The following ENO3 variants were observed in gnomAD, a reference collection of about 807,000 sequenced individuals.
The protein encoded by ENO3 is beta-enolase.
In ENO3, 46 loss-of-function variants were observed where a neutral mutation model predicts 47.7. That is an observed-to-expected ratio of 0.96 (90% CI 0.76 to 1.23). The LOEUF (loss-of-function observed/expected upper bound fraction) is 1.23, where lower values mean the gene tolerates loss of function less well. Ranked by LOEUF, ENO3 falls within the 50% of genes most tolerant of loss-of-function variation. ENO3 has a pLI of 0.00. For synonymous variants in ENO3, 223 were observed against 225.9 expected, an observed-to-expected ratio of 0.99 and a Z score of 0.11; for missense variants, 575 against 566.2, an observed-to-expected ratio of 1.02 and a Z score of -0.16.
At chr17:4,953,432 C>A in intron 5 of ENO3, 91 bp downstream of exon 5, 1 of 1,567,532 alleles carries the variant, frequency 6.4e-7, no homozygotes, top group South Asian at 1.1e-5. Context: ...ATTTCTGGGT[C>A]CCCCATTTTG....
chr17:4,949,809 G>C (rs1971487744), upstream of ENO3, among the ~76,000 whole-genome samples: 1 of 152,142 alleles, frequency 6.6e-6, no homozygotes, highest in Non-Finnish European at 1.5e-5. Context: ...GAATCCCACA[G>C]TCCCCGACGC....
Position 4,953,269 on chromosome 17 carries a change from C to T in ENO3, c.241-3C>T, listed in dbSNP as rs111900624. 6.2e-7 allele frequency: 1 copy of T among 1,614,218 alleles called. No individual in the cohort carries two copies. Among genetic ancestry groups the T allele is most frequent in the Middle Eastern group, 1.6e-4 (1 of 6,062 alleles). ...CTCTCCCTTCTCAAACTCACCCTTC[C>T]AGAAACTAAGCGTTGTGGATCAAGA... On this transcript the variant is annotated splice_polypyrimidine_tract_variant and splice_region_variant and intron_variant, in intron 4 of 11. Transcript: ENST00000519602.
rs1189805021 is a variant in ENO3, at chr17:4,955,273, C to G, written c.643C>G (p.Pro215Ala). 9 of 1,614,258 alleles carry G rather than the reference C, an allele frequency of 5.6e-6. No homozygotes were observed. Among genetic ancestry groups the G allele is most frequent in the Non-Finnish European group, 7.6e-6 (9 of 1,180,052 alleles). The stretch of plus-strand genomic sequence containing the variant: ...TGTGGGTGATGAAGGTGGCTTCGCA[C>G]CCAACATCCTGGAGAACAATGAGGG... ...TNVGDEGGFA[P>A]NILENNEALE... Residue 215 changes from proline (P) to alanine (A), a missense_variant, in exon 7 of 12, where the codon CCC (proline) becomes GCC (alanine). Physicochemically the swap from Pro to Ala is conservative, Grantham distance 27. Coordinates refer to ENST00000519602, the MANE Select transcript of ENO3 (RefSeq NM_053013.4).
chr17:4,955,760 A>C, intron 8 of ENO3, 156 bp downstream of exon 8: 1 of 1,317,552 alleles, frequency 7.6e-7, no homozygotes, highest in Non-Finnish European at 1.1e-6. Flanking sequence ...TCACCCCTCC[A>C]TGAGGCTCCT....
rs2151140726 is a variant in ENO3, at chr17:4,953,181, C to G, written c.240+72C>G. On this transcript the variant is annotated intron_variant, in intron 4 of 11. Coordinates refer to ENST00000519602, the MANE Select transcript of ENO3 (RefSeq NM_053013.4). Reference sequence around the variant, plus strand: ...CTCCCTCAGCCCAGACAGGCCTCTCCCGAAACATTTTCCCTTATCCTTCCC... The same window carrying G: ...CTCCCTCAGCCCAGACAGGCCTCTCGCGAAACATTTTCCCTTATCCTTCCC... 15 of 1,613,030 alleles carry G rather than the reference C, an allele frequency of 9.3e-6. No individual in the cohort carries two copies. In the South Asian group the frequency reaches 1.4e-4, roughly 15 times the overall value.
rs538036202 is a variant in ENO3 at position 4,955,091 on chromosome 17, A to G, written c.461A>G (p.Asn154Ser). ...CCATCTCAGGCCTTCAATGTGATCA[A>G]CGGGGGCTCCCATGCTGGAAACAAG... Reference protein sequence around the residue: ...ILPVPAFNVINGGSHAGNKLA... With the variant: ...ILPVPAFNVISGGSHAGNKLA... Residue 154 changes from asparagine (N) to serine (S), a missense_variant, in exon 7 of 12, where the codon AAC (asparagine) becomes AGC (serine). By Grantham distance (46) the Asn-to-Ser change is conservative. Coordinates refer to ENST00000519602, the MANE Select transcript of ENO3 (RefSeq NM_053013.4). The G allele has an allele frequency of 1.3e-5, 21 of 1,613,890 alleles. No individual in the cohort carries two copies. Among genetic ancestry groups the G allele is most frequent in the East Asian group, 4.5e-5 (2 of 44,872 alleles).
At chr17:4,956,341 C>G in intron 9 of ENO3, 198 bp downstream of exon 9, 1 of 749,078 alleles carries the variant, frequency 1.3e-6, no homozygotes, top group Non-Finnish European at 2.2e-6. Context: ...TCTGTCATGA[C>G]CCCCCACCCC....
upstream of ENO3, chr17:4,950,278 A>G (rs189947255): frequency 5.2e-3 from 791 of 152,298 alleles, 5 homozygotes; most frequent in East Asian, 0.028. Flanking sequence ...GCAGAGACCT[A>G]CCTCCCCGCA....
At chr17:4,952,762 A>G (rs1446131646) in intron 2 of ENO3, 33 bp from the exon 3 acceptor site, 1 of 1,588,106 alleles carries the variant, frequency 6.3e-7, no homozygotes, top group East Asian at 2.3e-5. Context: ...GCGCCCAGCC[A>G]TCCCTGTGAT....
In ENO3 at chr17:4,956,135, G is replaced by A. The variant is rs768457126; in HGVS notation, c.1059G>A (p.Ser353=). The stretch of plus-strand genomic sequence containing the variant: ...ACCAGATCGGCTCGGTGACCGAATC[G>A]ATCCAGGCGTGAGTGCCTCCTGACC... The part of the protein sequence containing the change: ...KVNQIGSVTE[S]IQACKLAQSN... The change falls in exon 9 of 12, where the codon TCG becomes TCA. Residue 353 remains serine, a synonymous_variant. Transcript: ENST00000519602. The A allele has an allele frequency of 3.7e-6, 6 of 1,613,594 alleles. No individual in the cohort carries two copies. The highest frequency in any genetic ancestry group is 3.4e-6 in the Non-Finnish European group (4 of 1,179,948).
intron 9 of ENO3, 66 bp downstream of exon 9, chr17:4,956,209 TAC>T (rs1480918311): frequency 2.3e-5 from 36 of 1,569,032 alleles, no homozygotes; most frequent in Middle Eastern, 3.3e-4. Flanking sequence ...CCACTCCAGC[TAC>T]AGTCTTACCC....
chr17:4,950,469 C>T (rs745714711), upstream of ENO3: 6 of 771,474 alleles, frequency 7.8e-6, no homozygotes, highest in Non-Finnish European at 9.5e-6. Flanking sequence ...GTCCCCACGC[C>T]GGGCGACAAG....
rs238239 is a variant in ENO3, at chr17:4,953,285, T to C, written c.254T>C (p.Val85Ala). ...PALLQKKLSV[V>A]DQEKVDKFMI... ...TCACCCTTCCAGAAACTAAGCGTTGTGGATCAAGAAAAAGTTGACAAATTT... is the reference window on the plus strand; with the variant it reads ...TCACCCTTCCAGAAACTAAGCGTTGCGGATCAAGAAAAAGTTGACAAATTT... The change falls in exon 5 of 12, where the codon GTG becomes GCG. Residue 85 changes from valine to alanine, a missense_variant. Coordinates refer to ENST00000519602, the MANE Select transcript of ENO3 (RefSeq NM_053013.4). The C allele has an allele frequency of 0.52, 842,741 of 1,613,872 alleles. 231,358 individuals carry two copies. Among genetic ancestry groups the C allele is most frequent in the Non-Finnish European group, 0.58 (681,005 of 1,179,862 alleles).
At chr17:4,950,707 G>C, upstream of ENO3, 1 of 978,932 alleles carries the variant, frequency 1.0e-6, no homozygotes, top group Non-Finnish European at 1.2e-6. Context: ...CCAGCGATCT[G>C]AGCATGTGTG....
At position 4,951,851 on chromosome 17, in the gene ENO3, G is replaced by A. The variant is rs377482714; in HGVS notation, c.22G>A (p.Ala8Thr). 1 of 1,614,038 alleles carries A rather than the reference G, an allele frequency of 6.2e-7. No homozygotes were observed. The highest frequency in any genetic ancestry group is 1.3e-5 in the African/African-American group (1 of 74,996). The change falls in exon 2 of 12, where the codon GCC becomes ACC. Residue 8 changes from alanine to threonine, a missense_variant. By Grantham distance (58) the Ala-to-Thr change is moderately conservative. Coordinates refer to ENST00000519602, the MANE Select transcript of ENO3 (RefSeq NM_053013.4). MAMQKIF[A>T]REILDSRGNP... ...AGCCATGGCCATGCAGAAAATCTTT[G>A]CCCGGGAAATCTTGGACTCCAGGGG...
At position 4,951,927 on chromosome 17, in the gene ENO3, C is replaced by G; in HGVS notation, c.85+13C>G. On this transcript the variant is annotated intron_variant, in intron 2 of 11. Coordinates refer to ENST00000519602, the MANE Select transcript of ENO3 (RefSeq NM_053013.4). ...CACACGGCCAAGGGTAACACAAGGC[C>G]CATTGGATAGGCTCGCCTCCGAAGA... 1.2e-6 allele frequency: 2 copies of G among 1,614,046 alleles called. No homozygotes were observed. Among genetic ancestry groups the G allele is most frequent in the African/African-American group, 1.3e-5 (1 of 75,044 alleles).
chr17:4,955,360 A>AT, intron 7 of ENO3, 47 bp from the exon 8 acceptor site: 2 of 1,614,172 alleles, frequency 1.2e-6, no homozygotes, highest in Non-Finnish European at 1.7e-6. Context: ...GGGAGGCTGC[A>AT]GACAAGGGGC....
rs1240836340 is a variant in ENO3 at position 4,955,899 on chromosome 17, C to T, written c.866-43C>T. On this transcript the variant is annotated intron_variant, in intron 8 of 11. Coordinates refer to ENST00000519602, the MANE Select transcript of ENO3 (RefSeq NM_053013.4). ...TGTCTCTGCCCTGTCTCTGCCCTGT[C>T]TCTGCTCTGTCTCTGCCCTGTCTCT... 4.2e-6 allele frequency: 6 copies of T among 1,432,108 alleles called. No homozygotes were observed. The African/African-American group carries it at 5.9e-5, about 14-fold the overall frequency. The allele number at this position is 1,432,108 out of a possible 1,614,324, so 88.7% of individuals were successfully genotyped here. A position where few individuals can be genotyped will look rare whatever the true frequency, so the allele number is the denominator to read the frequency against.
Position 4,955,208 on chromosome 17 carries a change from AG to A in ENO3, c.583del (p.Val195SerfsTer33). ...GGCGCCGAGGTCTACCACCACCTCA[AG>A]GGGGTCATCAAGGCCAAGTATGGGA... ...RIGAEVYHHL[K>X]GVIKAKYGKD... On this transcript the variant is annotated frameshift_variant, in exon 7 of 12. Transcript: ENST00000519602. LOFTEE classifies it high-confidence loss of function. 2 of 1,614,300 alleles carry A rather than the reference AG, an allele frequency of 1.2e-6. No homozygotes were observed. The highest frequency in any genetic ancestry group is 1.7e-6 in the Non-Finnish European group (2 of 1,180,056).
Sources: gnomAD v4.1 joint callset for allele counts (sites outside exome capture counted in the v4.1 genomes callset) on GRCh38, gnomAD v4.1.1 for gene constraint, MANE v1.5 for transcripts, NCBI Gene and HGNC (gene_info 2026-07-23, HGNC 2026-07-21) for gene names.